The following HYCC2 variants were observed in gnomAD, a reference collection of about 807,000 sequenced individuals.
HYCC2 encodes hyccin PI4KA lipid kinase complex subunit 2.
the HYCC2 span, among the ~76,000 whole-genome samples, chr2:200,983,352 CAAAATAT>C: frequency 6.6e-6 from 1 of 152,014 alleles, no homozygotes; most frequent in Non-Finnish European, 1.5e-5. Flanking sequence ...GTTACCTAAG[CAAAATAT>C]ATACAAAATA....
the HYCC2 span, among the ~76,000 whole-genome samples, chr2:201,007,971 T>G: frequency 6.6e-6 from 1 of 152,232 alleles, no homozygotes; most frequent in Admixed American, 6.5e-5. Context: ...ATGCTTTGTG[T>G]TTGAAACCCT....
the HYCC2 span, chr2:201,009,035 A>G: frequency 2.5e-6 from 4 of 1,614,076 alleles, no homozygotes; most frequent in South Asian, 4.4e-5. Context: ...CTCTGATGAG[A>G]TCATGCTGAC....
chr2:201,049,888 T>G, the HYCC2 span, among the ~76,000 whole-genome samples: 1 of 151,802 alleles, frequency 6.6e-6, no homozygotes, highest in African/African-American at 2.4e-5. Flanking sequence ...TAAATAGAGA[T>G]AGCGTCTCAC....
At chr2:201,012,941 G>A in the HYCC2 span, among the ~76,000 whole-genome samples, 12 of 131,910 alleles carry the variant, frequency 9.1e-5, no homozygotes, top group Admixed American at 5.5e-4. Flanking sequence ...GCGAGACTTC[G>A]TTTCAAAAAA....
At chr2:201,017,235 T>C in the HYCC2 span, 1 of 1,266,240 alleles carries the variant, frequency 7.9e-7, no homozygotes, top group African/African-American at 1.5e-5. Context: ...GTTTTTTTTT[T>C]TTTAAGGCAC....
chr2:201,045,841 C>A, the HYCC2 span, among the ~76,000 whole-genome samples: 1 of 152,028 alleles, frequency 6.6e-6, no homozygotes, highest in African/African-American at 2.4e-5. Context: ...TCTATAAGAC[C>A]TTGAGTAGAT....
chr2:201,012,540 C>T, the HYCC2 span, among the ~76,000 whole-genome samples: 4 of 152,284 alleles, frequency 2.6e-5, no homozygotes, highest in South Asian at 8.3e-4. Context: ...TACTAAGCTA[C>T]AAGACAGTTC....
chr2:200,990,002 G>A, the HYCC2 span, among the ~76,000 whole-genome samples: 10 of 151,064 alleles, frequency 6.6e-5, no homozygotes, highest in Non-Finnish European at 1.5e-4. Flanking sequence ...TGTTTCCTCT[G>A]TCCTGTCTAG....
chr2:201,032,934 CA>C, the HYCC2 span, among the ~76,000 whole-genome samples: 27 of 151,650 alleles, frequency 1.8e-4, no homozygotes, highest in South Asian at 2.1e-4. Context: ...TATAATTATT[CA>C]AAACATTTTA....
the HYCC2 span, chr2:200,981,276 C>A: frequency 3.7e-6 from 6 of 1,612,478 alleles, no homozygotes; most frequent in African/African-American, 8.0e-5. This position sits in a 1 kb window ranked among gnomAD's most constrained non-coding sequence, Gnocchi z 4.5. Context: ...AAAACTACAC[C>A]TGGGATATTA....
chr2:200,987,000 G>A, the HYCC2 span, among the ~76,000 whole-genome samples: 2 of 152,202 alleles, frequency 1.3e-5, no homozygotes, highest in Middle Eastern at 6.8e-3. Context: ...GATGAATAAG[G>A]CTCATGTCCA....
chr2:201,021,874 C>G, the HYCC2 span: 2 of 369,068 alleles, frequency 5.4e-6, no homozygotes, highest in South Asian at 4.1e-5. Flanking sequence ...TTCAGAAATA[C>G]ACTGCAAGAG....
chr2:201,001,583 A>G, the HYCC2 span, among the ~76,000 whole-genome samples: 2 of 152,254 alleles, frequency 1.3e-5, no homozygotes, highest in African/African-American at 4.8e-5. Context: ...CCATACACAA[A>G]AGGCAACATA....
At chr2:200,982,747 A>C in the HYCC2 span, among the ~76,000 whole-genome samples, 3 of 152,174 alleles carry the variant, frequency 2.0e-5, no homozygotes, top group Admixed American at 2.0e-4. Context: ...AACTGCAGTT[A>C]ACAAAATAAT....
At chr2:201,063,430 A>T in the HYCC2 span, 1 of 1,590,664 alleles carries the variant, frequency 6.3e-7, no homozygotes, top group Non-Finnish European at 8.5e-7. Context: ...GCATTAAAGA[A>T]GACACTGAAG....
chr2:201,018,949 T>C, the HYCC2 span, among the ~76,000 whole-genome samples: 9 of 152,356 alleles, frequency 5.9e-5, no homozygotes, highest in African/African-American at 1.7e-4. Flanking sequence ...TGACATCAAG[T>C]TGATGTTTCC....
chr2:200,981,811 A>T, the HYCC2 span: 1 of 1,613,988 alleles, frequency 6.2e-7, no homozygotes, highest in Non-Finnish European at 8.5e-7. This position sits in a 1 kb window ranked among gnomAD's most constrained non-coding sequence, Gnocchi z 4.5. Context: ...CCCTGATGAA[A>T]ATCCTTCATC....
the HYCC2 span, among the ~76,000 whole-genome samples, chr2:201,010,918 G>A: frequency 9.2e-5 from 14 of 151,868 alleles, no homozygotes; most frequent in Admixed American, 1.3e-4. Flanking sequence ...AGGCCTAGGC[G>A]GGCGGATCAC....
chr2:201,028,357 G>C, the HYCC2 span, among the ~76,000 whole-genome samples: 1,086 of 152,282 alleles, frequency 7.1e-3, 8 homozygotes, highest in African/African-American at 0.025. Context: ...TGGACAGGAA[G>C]AGTCAATATT....
Sources: gnomAD v4.1 joint callset for allele counts (sites outside exome capture counted in the v4.1 genomes callset) on GRCh38, gnomAD v4.1.1 for gene constraint, Gnocchi (gnomAD v3.1) non-coding constraint, MANE v1.5 for transcripts, NCBI Gene and HGNC (gene_info 2026-07-23, HGNC 2026-07-21) for gene names.